RBBP6: variants seen among roughly 807,000 people sequenced by gnomAD.
RBBP6 encodes RB binding protein 6, ubiquitin ligase, also known as E3 ubiquitin-protein ligase RBBP6.
A neutral mutation model predicts 167.7 loss-of-function variants in RBBP6; 25 were observed. That is an observed-to-expected ratio of 0.15 (90% confidence interval 0.11 to 0.21). The LOEUF is 0.21. RBBP6 is among the 10% of genes least tolerant of loss of function. The pLI is 1.00. For missense variants in RBBP6, 1,868 were observed against 2,134.2 expected (o/e 0.88, Z 2.46); for synonymous variants, 789 against 735.8 (o/e 1.07, Z -1.17).
At chr16:24,553,468 T>G (rs755644400) in intron 3 of RBBP6, 45 bp from the exon 4 acceptor site, 101 of 1,550,516 alleles carry the variant, frequency 6.5e-5, no homozygotes, top group Non-Finnish European at 8.4e-5. Context: ...CTTTAAGATG[T>G]TTTCAGTTTG....
At chr16:24,550,353 G>GT (rs909261416) in intron 3 of RBBP6, among the ~76,000 whole-genome samples, 2,017 of 133,558 alleles carry the variant, frequency 0.015, 54 homozygotes, top group African/African-American at 0.049. Context: ...GATATGGGGT[G>GT]TTTTTTTTTG....
chr16:24,564,009 C>G (rs1567278016), intron 13 of RBBP6, among the ~76,000 whole-genome samples: 1 of 151,768 alleles, frequency 6.6e-6, no homozygotes, highest in South Asian at 2.1e-4. Context: ...AGTTATTTTC[C>G]TAGTAGGTTT....
At chr16:24,546,021 A>T in intron 1 of RBBP6, 142 bp from the exon 2 acceptor site, 1 of 1,291,258 alleles carries the variant, frequency 7.7e-7, no homozygotes, top group Non-Finnish European at 1.0e-6. Flanking sequence ...TGTTCTGACA[A>T]TATCAGTAAT....
Position 24,567,429 on chromosome 16 carries a change from A to G in RBBP6, c.1876A>G (p.Asn626Asp), listed in dbSNP as rs762588922. Residue 626 changes from asparagine (N) to aspartate (D), a missense_variant, in exon 15 of 18, where the codon AAT becomes GAT. Physicochemically the swap from Asn to Asp is conservative, Grantham distance 23. Transcript: ENST00000319715. The part of the protein sequence containing the change: ...VSSGVQTAHS[N>D]TIPTTQAPPL... ...ATCAGGAGTGCAGACAGCTCATTCA[A>G]ATACCATCCCAACAACACAAGCACC... 3.7e-6 allele frequency: 6 copies of G among 1,614,038 alleles called. No homozygotes were observed. Among genetic ancestry groups the G allele is most frequent in the African/African-American group, 2.7e-5 (2 of 74,912 alleles).
chr16:24,572,366 AAAAG>A lies in RBBP6; in HGVS notation c.5303_5306del (p.Lys1768SerfsTer19), dbSNP rs1364058877. ...AAAAGCCAAAAACACAAACACAAGA[AAAAG>A]AAGTCAAAGAAGAACAAAGATAAAG... is the stretch of plus-strand genomic sequence containing the variant. On this transcript the variant is annotated frameshift_variant, in exon 18 of 18. Coordinates refer to ENST00000319715, the MANE Select transcript of RBBP6 (RefSeq NM_006910.5). LOFTEE classifies it high-confidence loss of function. 11 of 1,551,348 alleles carry A rather than the reference AAAAG, an allele frequency of 7.1e-6. No individual in the cohort carries two copies. The highest frequency in any genetic ancestry group is 2.0e-5 in the Admixed American group (1 of 50,812).
intron 1 of RBBP6, among the ~76,000 whole-genome samples, chr16:24,542,779 A>G (rs995091933): frequency 6.6e-6 from 1 of 152,214 alleles, no homozygotes; most frequent in East Asian, 1.9e-4. Flanking sequence ...AGTTATAGTT[A>G]AAAGAATCCT....
chr16:24,561,045 T>C (rs1596508255), intron 8 of RBBP6, among the ~76,000 whole-genome samples: 1 of 81,858 alleles, frequency 1.2e-5, no homozygotes, highest in African/African-American at 4.6e-5. Context: ...TTAATCTTCG[T>C]ATCTGTAATT....
rs1246327006 is a variant in RBBP6 at position 24,562,174 on chromosome 16, GT to G, written c.1289+18del. The G allele has an allele frequency of 1.3e-6, 2 of 1,576,976 alleles. No individual in the cohort carries two copies. The highest frequency in any genetic ancestry group is 2.7e-5 in the African/African-American group (2 of 74,100). On this transcript the variant is annotated intron_variant, in intron 10 of 17. Coordinates refer to ENST00000319715, the MANE Select transcript of RBBP6 (RefSeq NM_006910.5). The stretch of plus-strand genomic sequence containing the variant: ...ATGGACCTTTTCGGTAAGCCTGTGT[GT>G]TTTTCACTGTTAGAAACCAAATGAG...
chr16:24,556,815 G>A (rs1247496241), intron 7 of RBBP6, among the ~76,000 whole-genome samples: 1 of 152,090 alleles, frequency 6.6e-6, no homozygotes, highest in African/African-American at 2.4e-5. Context: ...AGAAACAGGA[G>A]GCTTAAGAAT....
rs780317454 is a variant in RBBP6, at chr16:24,540,610, A to C, written c.-17A>C. On this transcript the variant is annotated 5_prime_UTR_variant, in exon 1 of 18. Transcript: ENST00000319715. ...TGTCCACGTCTCCTCGCTGAACCTTAGGAATCCCTTGGCACCATGTCCTGT... is the reference window on the plus strand; with the variant it reads ...TGTCCACGTCTCCTCGCTGAACCTTCGGAATCCCTTGGCACCATGTCCTGT... 1 of 1,604,810 alleles carries C rather than the reference A, an allele frequency of 6.2e-7. No individual in the cohort carries two copies. Among genetic ancestry groups the C allele is most frequent in the South Asian group, 1.1e-5 (1 of 90,370 alleles).
intron 3 of RBBP6, 107 bp from the exon 4 acceptor site, chr16:24,553,406 A>T (rs1450033063): frequency 1.5e-5 from 13 of 856,766 alleles, no homozygotes; most frequent in Non-Finnish European, 2.2e-5. Flanking sequence ...TAGAAAACTA[A>T]GAAAATGCCC....
intron 7 of RBBP6, among the ~76,000 whole-genome samples, chr16:24,557,300 T>C (rs1369991841): frequency 6.6e-6 from 1 of 152,114 alleles, no homozygotes; most frequent in Non-Finnish European, 1.5e-5. Context: ...CCATTTTTAA[T>C]GTGTATTCAG....
At chr16:24,548,240 C>G (rs754725485) in intron 2 of RBBP6, among the ~76,000 whole-genome samples, 2 of 151,928 alleles carry the variant, frequency 1.3e-5, no homozygotes, top group South Asian at 2.1e-4. Flanking sequence ...CAGTTCTACA[C>G]AGCCATTTAA....
At chr16:24,563,118 G>T in intron 10 of RBBP6, 81 bp from the exon 11 acceptor site, 1 of 1,082,944 alleles carries the variant, frequency 9.2e-7, no homozygotes, top group East Asian at 2.6e-5. Flanking sequence ...GCAGGTGATG[G>T]GTAAACAGCA....
chr16:24,558,375 T>C (rs1172569841), intron 7 of RBBP6: 5 of 678,706 alleles, frequency 7.4e-6, no homozygotes, highest in Non-Finnish European at 9.1e-6. Flanking sequence ...TCTGTTCTCC[T>C]CTTTTTTTCT....
chr16:24,551,842 G>A (rs1898804313), intron 3 of RBBP6, among the ~76,000 whole-genome samples: 1 of 151,746 alleles, frequency 6.6e-6, no homozygotes, highest in Non-Finnish European at 1.5e-5. Flanking sequence ...GATGATGGTT[G>A]ACAGCAATTT....
intron 3 of RBBP6, among the ~76,000 whole-genome samples, chr16:24,551,317 G>C (rs1272050520): frequency 6.6e-6 from 1 of 151,698 alleles, no homozygotes; most frequent in Admixed American, 6.6e-5. Context: ...TTTACCATTA[G>C]TATCTTACCA....
chr16:24,556,064 A>G (rs1898905714), intron 6 of RBBP6, 147 bp downstream of exon 6: 1 of 874,120 alleles, frequency 1.1e-6, no homozygotes. Flanking sequence ...CCAGGCTTCA[A>G]ATCTTGGTTC....
Position 24,571,512 on chromosome 16 carries a change from T to C in RBBP6, c.4446T>C (p.Tyr1482=), listed in dbSNP as rs1172876005. Reference sequence around the variant, plus strand: ...AAACTGACTATGACACCAGAGAGTATTCAAGTTCCAAACGTAGAGATGAAA... The same window carrying C: ...AAACTGACTATGACACCAGAGAGTACTCAAGTTCCAAACGTAGAGATGAAA... ...DKKTDYDTRE[Y]SSSKRRDEKN... The change falls in exon 18 of 18, where the codon TAT becomes TAC. Residue 1482 remains tyrosine (Y), a synonymous_variant. Transcript: ENST00000319715. 6.2e-7 allele frequency: 1 copy of C among 1,613,460 alleles called. No individual in the cohort carries two copies. Among genetic ancestry groups the C allele is most frequent in the African/African-American group, 1.3e-5 (1 of 74,972 alleles).
Sources: gnomAD v4.1 joint callset for allele counts (sites outside exome capture counted in the v4.1 genomes callset) on GRCh38, gnomAD v4.1.1 for gene constraint, MANE v1.5 for transcripts, NCBI Gene and HGNC (gene_info 2026-07-23, HGNC 2026-07-21) for gene names.